Variants in CCBE1 observed in about 807,000 individuals in gnomAD.
CCBE1 encodes collagen and calcium binding EGF domains 1.
In CCBE1, 37 loss-of-function variants were observed where a neutral mutation model predicts 50.0. The ratio of observed to expected loss-of-function variants is 0.74; its 90% CI spans 0.57 to 0.97. CCBE1 has a LOEUF of 0.97. Ranked by LOEUF, CCBE1 falls within the 50% of genes least tolerant of loss-of-function variation. The pLI is 0.00. For synonymous variants in CCBE1, 234 were observed against 203.7 expected (o/e 1.15, Z -1.27); for missense variants, 538 against 523.8 (o/e 1.03, Z -0.26).
At chr18:59,613,085 G>A (rs2053594376) in intron 2 of CCBE1, among the ~76,000 whole-genome samples, 1 of 151,980 alleles carries the variant, frequency 6.6e-6, no homozygotes, top group African/African-American at 2.4e-5. Context: ...GGTGGGGAGT[G>A]GGGTGGAAAG....
intron 5 of CCBE1, chr18:59,465,357 TC>T (rs1911691423): frequency 6.6e-6 from 1 of 152,314 alleles, no homozygotes; most frequent in East Asian, 1.9e-4. Flanking sequence ...TCTTTCCTCT[TC>T]CCCCATCCCT....
intron 2 of CCBE1, among the ~76,000 whole-genome samples, chr18:59,549,144 T>G (rs2144408720): frequency 6.6e-6 from 1 of 151,132 alleles, no homozygotes; most frequent in Admixed American, 6.6e-5. Flanking sequence ...GGTGAGGGTC[T>G]TCTTTTCACT....
At chr18:59,491,799 C>T (rs891714852) in intron 2 of CCBE1, among the ~76,000 whole-genome samples, 2 of 148,052 alleles carry the variant, frequency 1.4e-5, no homozygotes, top group African/African-American at 2.5e-5. Context: ...TGAACAGCAG[C>T]GTGAGACTCT....
intron 2 of CCBE1, among the ~76,000 whole-genome samples, chr18:59,540,783 T>G (rs1915436198): frequency 6.6e-6 from 1 of 152,216 alleles, no homozygotes; most frequent in African/African-American, 2.4e-5. Context: ...ACAGCAGAGT[T>G]AAGTACTCAT....
chr18:59,473,569 C>A (rs555617708), intron 3 of CCBE1, among the ~76,000 whole-genome samples: 1 of 41,764 alleles, frequency 2.4e-5, no homozygotes, highest in Admixed American at 3.5e-4. Context: ...GTCTAATATT[C>A]TCATCTTTTT....
chr18:59,636,153 TA>T (rs201260194), intron 2 of CCBE1, among the ~76,000 whole-genome samples: 1 of 149,906 alleles, frequency 6.7e-6, no homozygotes, highest in South Asian at 2.1e-4. Context: ...ACTCTGTCTC[TA>T]AAAAAAAATA....
At chr18:59,561,761 G>C (rs1393585566) in intron 2 of CCBE1, among the ~76,000 whole-genome samples, 3 of 152,166 alleles carry the variant, frequency 2.0e-5, no homozygotes, top group Admixed American at 6.5e-5. Context: ...CATGCCCAGA[G>C]AAAGAGTTAA....
chr18:59,516,649 T>G (rs545268152), intron 2 of CCBE1, among the ~76,000 whole-genome samples: 2 of 152,344 alleles, frequency 1.3e-5, no homozygotes, highest in South Asian at 4.1e-4. Context: ...GGAGATGATT[T>G]GGCTCATTAC....
At position 59,550,200 on chromosome 18, in the gene CCBE1, A is replaced by G. The variant is rs79503682; in HGVS notation, c.213-69962T>C. Among the ~76,000 whole-genome samples the G allele has an allele frequency of 3.6e-3, 550 of 152,298 alleles. 3 individuals are homozygous for G. The highest frequency in any genetic ancestry group is 0.012 in the African/African-American group (514 of 41,570). ...CTCTGGAGCAGCCTCTTGGTGGGCA[A>G]GCTTCCTCTAATTCAGGGATTGGCA... On this transcript the variant is annotated intron_variant, in intron 2 of 10. Coordinates refer to ENST00000439986, the MANE Select transcript of CCBE1 (RefSeq NM_133459.4).
intron 2 of CCBE1, among the ~76,000 whole-genome samples, chr18:59,505,827 C>A (rs560931732): frequency 6.6e-6 from 1 of 152,136 alleles, no homozygotes; most frequent in South Asian, 2.1e-4. Context: ...GGGTAAGAAA[C>A]TTACTAAAGG....
chr18:59,462,685 A>AT (rs1478113629), intron 5 of CCBE1, among the ~76,000 whole-genome samples: 5 of 96,170 alleles, frequency 5.2e-5, no homozygotes, highest in African/African-American at 1.8e-4. Flanking sequence ...CACCTGACCT[A>AT]ATTTTTTTTT....
intron 2 of CCBE1, among the ~76,000 whole-genome samples, chr18:59,616,218 G>A (rs1457764391): frequency 6.6e-6 from 1 of 152,124 alleles, no homozygotes; most frequent in Non-Finnish European, 1.5e-5. Context: ...GCAGAGTGGG[G>A]GAGAGAGATC....
At chr18:59,623,400 G>A (rs115791405) in intron 2 of CCBE1, among the ~76,000 whole-genome samples, 3,888 of 152,176 alleles carry the variant, frequency 0.026, 174 homozygotes, top group African/African-American at 0.089. Flanking sequence ...GTGTGGTCAG[G>A]GCACTTATCC....
chr18:59,511,584 C>G (rs1020564799), intron 2 of CCBE1, among the ~76,000 whole-genome samples: 1 of 152,178 alleles, frequency 6.6e-6, no homozygotes, highest in African/African-American at 2.4e-5. Context: ...ATATCCATCA[C>G]CTTAAACATT....
At position 59,448,037 on chromosome 18, in the gene CCBE1, AG is replaced by A; in HGVS notation, c.720del (p.Ser241GlnfsTer158). 1 of 1,614,184 alleles carries A rather than the reference AG, an allele frequency of 6.2e-7. No homozygotes were observed. The highest frequency in any genetic ancestry group is 1.7e-5 in the Admixed American group (1 of 60,026). ...GGAGGTCCTGGAAGGTAGGTGTTTG[AG>A]GCCAGCACCTTGTCACCAGTGATAT... is the stretch of plus-strand genomic sequence containing the variant. ...GKYITGDKVL[A>X]SNTYLPGPPG... is the part of the protein sequence containing the mutation. On this transcript the variant is annotated frameshift_variant, in exon 7 of 11. Coordinates refer to ENST00000439986, the MANE Select transcript of CCBE1 (RefSeq NM_133459.4). LOFTEE classifies it high-confidence loss of function.
At chr18:59,654,839 A>G (rs1023530114) in intron 2 of CCBE1, among the ~76,000 whole-genome samples, 1 of 151,392 alleles carries the variant, frequency 6.6e-6, no homozygotes, top group Non-Finnish European at 1.5e-5. Flanking sequence ...CTCATTCCTA[A>G]TTCCTATAAT....
At chr18:59,509,687 G>A (rs1309138839) in intron 2 of CCBE1, among the ~76,000 whole-genome samples, 1 of 152,076 alleles carries the variant, frequency 6.6e-6, no homozygotes, top group African/African-American at 2.4e-5. Context: ...AGTGCCCGGT[G>A]GAAACAAGCC....
At chr18:59,496,264 C>T (rs1021554380) in intron 2 of CCBE1, among the ~76,000 whole-genome samples, 3 of 152,118 alleles carry the variant, frequency 2.0e-5, no homozygotes, top group Non-Finnish European at 4.4e-5. Context: ...ACCATGAACA[C>T]CTAGAAGGCA....
At chr18:59,690,110 TTTG>T (rs1253898024) in intron 2 of CCBE1, among the ~76,000 whole-genome samples, 2 of 152,152 alleles carry the variant, frequency 1.3e-5, no homozygotes, top group African/African-American at 2.4e-5. Flanking sequence ...ACAGAGGATT[TTTG>T]TTGTTGTTGG....
Sources: allele counts gnomAD v4.1 joint callset (sites outside exome capture counted in the v4.1 genomes callset), GRCh38; gene constraint gnomAD v4.1.1; transcripts MANE v1.5; gene names NCBI Gene and HGNC (gene_info 2026-07-23, HGNC 2026-07-21).